The following NKAIN3 variants were observed in gnomAD, a reference collection of about 807,000 sequenced individuals.
NKAIN3 encodes the protein sodium/potassium transporting ATPase interacting 3, also known as sodium/potassium-transporting ATPase subunit beta-1-interacting protein 3.
Under a neutral mutation model 30.2 loss-of-function variants are expected in NKAIN3, and 25 were observed. That is an observed-to-expected ratio of 0.83 (90% CI 0.60 to 1.16). NKAIN3 has a LOEUF of 1.16. Among genes scored for constraint, NKAIN3 ranks in the 50% most tolerant of loss-of-function variants. The pLI is 0.00. For missense variants in NKAIN3, 225 were observed against 254.1 expected (o/e 0.89, Z 0.78); for synonymous variants, 91 against 89.6 (o/e 1.02, Z -0.09).
chr8:62,944,853 A>G (rs1197330572), intron 5 of NKAIN3, among the ~76,000 whole-genome samples: 1 of 152,220 alleles, frequency 6.6e-6, no homozygotes, highest in Non-Finnish European at 1.5e-5. Flanking sequence ...TCATGTCTTC[A>G]TGGATGAATA....
chr8:62,464,731 GT>G (rs956223164), intron 1 of NKAIN3, among the ~76,000 whole-genome samples: 1 of 152,104 alleles, frequency 6.6e-6, no homozygotes, highest in African/African-American at 2.4e-5. Context: ...GAACTTTCCA[GT>G]TTTTTAGTCC....
chr8:62,447,438 A>T (rs1805519823), intron 1 of NKAIN3, among the ~76,000 whole-genome samples: 1 of 152,030 alleles, frequency 6.6e-6, no homozygotes, highest in African/African-American at 2.4e-5. Flanking sequence ...ATATTATTTA[A>T]AGAAATGATA....
At chr8:62,869,962 G>T (rs1004881025) in intron 4 of NKAIN3, among the ~76,000 whole-genome samples, 3 of 151,694 alleles carry the variant, frequency 2.0e-5, no homozygotes, top group East Asian at 3.9e-4. Context: ...AGTAGAGACG[G>T]GGTTTCGCCG....
intron 4 of NKAIN3, among the ~76,000 whole-genome samples, chr8:62,764,416 T>C (rs1482714261): frequency 3.3e-5 from 5 of 152,232 alleles, no homozygotes; most frequent in Admixed American, 1.3e-4. Flanking sequence ...TCAACACTGC[T>C]GTACTTACTG....
At chr8:62,859,586 A>G (rs1331523367) in intron 4 of NKAIN3, among the ~76,000 whole-genome samples, 1 of 151,728 alleles carries the variant, frequency 6.6e-6, no homozygotes, top group African/African-American at 2.4e-5. Flanking sequence ...CCAAAACCAC[A>G]TAAATATATA....
intron 4 of NKAIN3, among the ~76,000 whole-genome samples, chr8:62,793,967 C>G (rs1817773356): frequency 6.6e-6 from 1 of 152,118 alleles, no homozygotes; most frequent in African/African-American, 2.4e-5. Context: ...ATGCATCTGA[C>G]CATATAAACA....
rs912272794 is a variant in NKAIN3, at chr8:62,863,897, G to A, written c.472-54556G>A. The A allele has an allele frequency of 3.0e-6, 4 of 1,344,924 alleles. 1 individual carries two copies. The South Asian group carries it at 4.7e-5, about 16-fold the overall frequency. 83.3% of individuals were successfully genotyped at this position (1,344,924 alleles called of 1,614,324 possible). A position where few individuals can be genotyped will look rare whatever the true frequency, so the allele number is the denominator to read the frequency against. On this transcript the variant is annotated intron_variant, in intron 4 of 6. Transcript: ENST00000623646. ...CGCAGGGTCCTCTTGCTCATCATCT[G>A]ATCCAGGATCTCCTCCTTTGGCTCT...
At chr8:62,879,737 C>T (rs920495036) in intron 4 of NKAIN3, among the ~76,000 whole-genome samples, 9 of 152,160 alleles carry the variant, frequency 5.9e-5, no homozygotes, top group African/African-American at 1.7e-4. Context: ...GGTCAGCAGC[C>T]TTTCATGGGA....
chr8:62,779,419 C>A (rs1817287650), intron 4 of NKAIN3, among the ~76,000 whole-genome samples: 1 of 152,096 alleles, frequency 6.6e-6, no homozygotes, highest in Non-Finnish European at 1.5e-5. Flanking sequence ...CTGACTAGGG[C>A]TGTTATAAAT....
intron 3 of NKAIN3, among the ~76,000 whole-genome samples, chr8:62,710,617 G>A (rs1251217219): frequency 2.0e-5 from 3 of 152,026 alleles, no homozygotes; most frequent in African/African-American, 7.2e-5. Flanking sequence ...GAGTCCTTAT[G>A]TGTTACTTGA....
intron 3 of NKAIN3, among the ~76,000 whole-genome samples, chr8:62,725,507 T>C (rs1394904022): frequency 6.6e-6 from 1 of 152,126 alleles, no homozygotes; most frequent in Non-Finnish European, 1.5e-5. Flanking sequence ...TAGTTTGAGG[T>C]CTTAGATTTA....
chr8:62,804,522 G>A (rs1269330606), intron 4 of NKAIN3, among the ~76,000 whole-genome samples: 6 of 152,094 alleles, frequency 3.9e-5, no homozygotes, highest in Admixed American at 1.3e-4. Context: ...ATGTAATCCA[G>A]CATATAAACA....
chr8:62,922,809 T>G (rs940670844), intron 5 of NKAIN3, among the ~76,000 whole-genome samples: 1 of 152,018 alleles, frequency 6.6e-6, no homozygotes, highest in African/African-American at 2.4e-5. Context: ...TGATTCTCTC[T>G]CCTTCAGTCT....
intron 4 of NKAIN3, among the ~76,000 whole-genome samples, chr8:62,852,931 T>C (rs1819953244): frequency 6.6e-6 from 1 of 152,192 alleles, no homozygotes; most frequent in African/African-American, 2.4e-5. Context: ...GTATATTCTG[T>C]TGATTTGAGG....
intron 1 of NKAIN3, among the ~76,000 whole-genome samples, chr8:62,430,864 G>A (rs1161216583): frequency 1.3e-5 from 2 of 151,744 alleles, no homozygotes; most frequent in African/African-American, 4.8e-5. Flanking sequence ...AGGCAGCTTG[G>A]AAAGCATCAT....
At chr8:62,827,805 A>C (rs1367651448) in intron 4 of NKAIN3, among the ~76,000 whole-genome samples, 2 of 152,234 alleles carry the variant, frequency 1.3e-5, no homozygotes, top group African/African-American at 4.8e-5. Context: ...ATTAAGAAAC[A>C]TTAAGTTAAT....
intron 3 of NKAIN3, among the ~76,000 whole-genome samples, chr8:62,682,331 G>T (rs1044488506): frequency 1.3e-5 from 2 of 152,058 alleles, no homozygotes; most frequent in African/African-American, 2.4e-5. Context: ...AGCTCTGTGG[G>T]CTCTCTCAGT....
At chr8:62,949,069 C>A (rs992625972) in intron 5 of NKAIN3, among the ~76,000 whole-genome samples, 1 of 152,164 alleles carries the variant, frequency 6.6e-6, no homozygotes, top group South Asian at 2.1e-4. Flanking sequence ...GGGTGACTCT[C>A]CCCATAGCCC....
intron 3 of NKAIN3, among the ~76,000 whole-genome samples, chr8:62,652,135 G>C (rs910522989): frequency 6.6e-6 from 1 of 152,030 alleles, no homozygotes; most frequent in Non-Finnish European, 1.5e-5. Flanking sequence ...GACCTAATCA[G>C]CTCCCAAGGC....
Sources: allele counts gnomAD v4.1 joint callset (sites outside exome capture counted in the v4.1 genomes callset), GRCh38; gene constraint gnomAD v4.1.1; transcripts MANE v1.5; gene names NCBI Gene and HGNC (gene_info 2026-07-23, HGNC 2026-07-21).